Variants in GTF2F2 observed in about 807,000 individuals in gnomAD.
GTF2F2 encodes general transcription factor IIF subunit 2.
GTF2F2 carries 23 observed loss-of-function variants against 42.2 expected under a neutral mutation model. The ratio of observed to expected loss-of-function variants is 0.55; its 90% CI spans 0.39 to 0.77. GTF2F2 has a LOEUF of 0.77. GTF2F2 is among the 30% of genes least tolerant of loss of function. The pLI, the probability that GTF2F2 is intolerant of heterozygous loss-of-function variation, is 0.00. For missense variants in GTF2F2, 261 were observed against 287.2 expected, an observed-to-expected ratio of 0.91 and a Z score of 0.66; for synonymous variants, 105 against 100.8, an observed-to-expected ratio of 1.04 and a Z score of -0.25.
chr13:45,212,444 C>CTTTCTTTCTTTTCTT, intron 5 of GTF2F2, among the ~76,000 whole-genome samples: 1 of 72,648 alleles, frequency 1.4e-5, no homozygotes, highest in African/African-American at 5.2e-5. Context: ...TTCTTTCTTT[C>CTTTCTTTCTTTTCTT]TTGTTTCTTT....
chr13:45,188,184 G>A (rs915841387), intron 4 of GTF2F2, among the ~76,000 whole-genome samples: 3 of 152,184 alleles, frequency 2.0e-5, no homozygotes. Flanking sequence ...GGGATTACAG[G>A]TGTGAGCCAC....
At chr13:45,171,154 T>C (rs1162835725) in intron 4 of GTF2F2, among the ~76,000 whole-genome samples, 5 of 144,590 alleles carry the variant, frequency 3.5e-5, no homozygotes, top group Non-Finnish European at 7.5e-5. Context: ...CTTGGCTCAC[T>C]GCAACCTCCG....
At chr13:45,204,215 G>A (rs1469633810) in intron 4 of GTF2F2, among the ~76,000 whole-genome samples, 67 of 152,156 alleles carry the variant, frequency 4.4e-4, no homozygotes, top group Non-Finnish European at 1.3e-4. Flanking sequence ...TTTGATATAT[G>A]TATATGTGTG....
At chr13:45,250,826 A>G (rs1875848708) in intron 5 of GTF2F2, among the ~76,000 whole-genome samples, 1 of 152,080 alleles carries the variant, frequency 6.6e-6, no homozygotes, top group Non-Finnish European at 1.5e-5. Context: ...TCCCTTCTAG[A>G]CTCTAGCTAG....
At chr13:45,278,049 A>G (rs372080527) in intron 7 of GTF2F2, among the ~76,000 whole-genome samples, 1 of 152,216 alleles carries the variant, frequency 6.6e-6, no homozygotes, top group Non-Finnish European at 1.5e-5. Context: ...TATGCTTATC[A>G]CTGAAATGCA....
At chr13:45,218,237 T>TA (rs1001856700) in intron 5 of GTF2F2, among the ~76,000 whole-genome samples, 1 of 152,200 alleles carries the variant, frequency 6.6e-6, no homozygotes, top group Non-Finnish European at 1.5e-5. Flanking sequence ...TCTGAGGATT[T>TA]AAAATGGGTG....
At chr13:45,212,508 TTTTC>T (rs1173851317) in intron 5 of GTF2F2, among the ~76,000 whole-genome samples, 2 of 46,504 alleles carry the variant, frequency 4.3e-5, no homozygotes, top group African/African-American at 1.6e-4. Context: ...TCTTTCTTTC[TTTTC>T]TTTCTTTCTC....
Position 45,283,731 on chromosome 13 carries a change from T to C in GTF2F2, c.*170T>C, listed in dbSNP as rs1405871795. 1 of 389,860 alleles carries C rather than the reference T, an allele frequency of 2.6e-6. No individual in the cohort carries two copies. Among genetic ancestry groups the C allele is most frequent in the Non-Finnish European group, 4.5e-6 (1 of 222,928 alleles). The allele number at this position is 389,860 out of a possible 1,614,324, so 24.2% of individuals were successfully genotyped here. The stretch of plus-strand genomic sequence containing the variant: ...AATTCTTGTAAAGTTTCTTAACTGT[T>C]TTTTTGAGGAGAAAGAACAGATTTA... On this transcript the variant is annotated 3_prime_UTR_variant, in exon 8 of 8. Coordinates refer to ENST00000340473, the MANE Select transcript of GTF2F2 (RefSeq NM_004128.3).
intron 7 of GTF2F2, among the ~76,000 whole-genome samples, chr13:45,268,027 G>T (rs549663481): frequency 6.6e-6 from 1 of 151,950 alleles, no homozygotes; most frequent in Non-Finnish European, 1.5e-5. Flanking sequence ...CTAGTAATTT[G>T]CATTAATAAT....
intron 4 of GTF2F2, among the ~76,000 whole-genome samples, chr13:45,202,704 G>C (rs1285081681): frequency 6.6e-6 from 1 of 152,178 alleles, no homozygotes; most frequent in East Asian, 1.9e-4. Flanking sequence ...TGTAATCCCA[G>C]CACTTTGGGA....
intron 4 of GTF2F2, among the ~76,000 whole-genome samples, chr13:45,198,669 A>G: frequency 6.6e-6 from 1 of 152,212 alleles, no homozygotes; most frequent in South Asian, 2.1e-4. Flanking sequence ...TAAATCTGAC[A>G]GTATATCTCT....
At chr13:45,256,338 T>A (rs893522831) in intron 6 of GTF2F2, among the ~76,000 whole-genome samples, 15 of 152,176 alleles carry the variant, frequency 9.9e-5, no homozygotes, top group Non-Finnish European at 2.2e-4. Context: ...ATCTGCTTCG[T>A]GTCTGAGATA....
In GTF2F2 at chr13:45,192,100, A is replaced by G. The variant is rs74068842; in HGVS notation, c.305-15324A>G. Among the ~76,000 whole-genome samples, 930 of 152,230 alleles carry G rather than the reference A, an allele frequency of 6.1e-3. 4 individuals carry two copies. The highest frequency in any genetic ancestry group is 0.021 in the African/African-American group (874 of 41,572). ...GTTGGAGAGGCATATAAACAGTTCA[A>G]TTATAGTGGCTATTCAAATAAATTT... is the stretch of plus-strand genomic sequence containing the variant. On this transcript the variant is annotated intron_variant, in intron 4 of 7. Transcript: ENST00000340473.
intron 1 of GTF2F2, among the ~76,000 whole-genome samples, chr13:45,126,559 A>G (rs887859448): frequency 2.0e-5 from 3 of 152,048 alleles, no homozygotes; most frequent in African/African-American, 2.4e-5. Context: ...GACAAGAACC[A>G]CTTTCTTATG....
chr13:45,275,331 C>A (rs1404067371), intron 7 of GTF2F2, among the ~76,000 whole-genome samples: 1 of 151,888 alleles, frequency 6.6e-6, no homozygotes, highest in Non-Finnish European at 1.5e-5. Flanking sequence ...TATTTAAGTT[C>A]TAGGGTACAT....
intron 2 of GTF2F2, among the ~76,000 whole-genome samples, chr13:45,141,730 G>C (rs1284395657): frequency 6.6e-6 from 1 of 151,946 alleles, no homozygotes; most frequent in Non-Finnish European, 1.5e-5. Context: ...AAAATGAAAA[G>C]GTCTCTGTTT....
chr13:45,217,285 G>C (rs561060195), intron 5 of GTF2F2, among the ~76,000 whole-genome samples: 70 of 133,538 alleles, frequency 5.2e-4, no homozygotes, highest in Non-Finnish European at 9.1e-4. Flanking sequence ...GTGACAGAGC[G>C]AGACTCCATC....
At chr13:45,156,810 AC>A (rs1566117336) in intron 4 of GTF2F2, among the ~76,000 whole-genome samples, 1 of 152,176 alleles carries the variant, frequency 6.6e-6, no homozygotes, top group Non-Finnish European at 1.5e-5. Flanking sequence ...TAACGCAGTG[AC>A]TTTTTTGCTT....
intron 1 of GTF2F2, among the ~76,000 whole-genome samples, chr13:45,133,696 A>G (rs1869476608): frequency 6.6e-6 from 1 of 152,188 alleles, no homozygotes; most frequent in African/African-American, 2.4e-5. Flanking sequence ...CTGCATGGCA[A>G]TGGTCATGTG....
Sources: allele counts gnomAD v4.1 joint callset (sites outside exome capture counted in the v4.1 genomes callset), GRCh38; gene constraint gnomAD v4.1.1; transcripts MANE v1.5; gene names NCBI Gene and HGNC (gene_info 2026-07-23, HGNC 2026-07-21).